Variants in FHIT observed in about 807,000 individuals in gnomAD.
FHIT encodes the protein fragile histidine triad diadenosine triphosphatase.
In FHIT, 19 loss-of-function variants were observed where a neutral mutation model predicts 17.9. That is an observed-to-expected ratio of 1.06 (90% CI 0.74 to 1.56). The LOEUF (loss-of-function observed/expected upper bound fraction) is 1.56. FHIT is among the 40% of genes most tolerant of loss of function. The pLI is 0.00. For synonymous variants in FHIT, 81 were observed against 69.7 expected (o/e 1.16, Z -0.81); for missense variants, 248 against 189.2 (o/e 1.31, Z -1.82).
intron 5 of FHIT, among the ~76,000 whole-genome samples, chr3:60,124,279 T>A (rs1000139182): frequency 6.6e-6 from 1 of 151,788 alleles, no homozygotes; most frequent in African/African-American, 2.4e-5. Context: ...GTTTGAAGAC[T>A]AGCCGTCTTC....
intron 2 of FHIT, among the ~76,000 whole-genome samples, chr3:61,198,276 A>T (rs1321051646): frequency 6.6e-6 from 1 of 152,150 alleles, no homozygotes; most frequent in Non-Finnish European, 1.5e-5. Context: ...ACAGACATGG[A>T]GGCAACAGTG....
intron 8 of FHIT, among the ~76,000 whole-genome samples, chr3:59,859,460 G>A (rs1385015579): frequency 2.0e-5 from 3 of 152,230 alleles, no homozygotes; most frequent in Non-Finnish European, 4.4e-5. Flanking sequence ...GCTCACGCCT[G>A]TAATCCCAGC....
chr3:59,943,071 T>G (rs1283887227), intron 7 of FHIT, among the ~76,000 whole-genome samples: 1 of 151,984 alleles, frequency 6.6e-6, no homozygotes, highest in Non-Finnish European at 1.5e-5. Flanking sequence ...GTTATATTAC[T>G]AAGAAGAAAA....
intron 4 of FHIT, among the ~76,000 whole-genome samples, chr3:60,657,476 T>C (rs1553689925): frequency 6.6e-6 from 1 of 152,152 alleles, no homozygotes; most frequent in African/African-American, 2.4e-5. Flanking sequence ...TTTGCAAACT[T>C]AGGTGTCTGG....
chr3:61,096,890 C>T (rs1485761398), intron 2 of FHIT, among the ~76,000 whole-genome samples: 2 of 152,106 alleles, frequency 1.3e-5, no homozygotes, highest in African/African-American at 4.8e-5. Context: ...GCAGGTGCAA[C>T]ACCTGAGGTC....
intron 3 of FHIT, among the ~76,000 whole-genome samples, chr3:60,842,639 A>ATTT (rs1702771249): frequency 2.6e-3 from 111 of 43,274 alleles, no homozygotes; most frequent in African/African-American, 6.3e-3. Context: ...GTATATATAT[A>ATTT]TATATATTTT....
chr3:60,670,856 T>C (rs1553693637), intron 4 of FHIT, among the ~76,000 whole-genome samples: 1 of 152,100 alleles, frequency 6.6e-6, no homozygotes, highest in African/African-American at 2.4e-5. Context: ...CTTAACGGGG[T>C]TCTGAAAATA....
At chr3:60,022,189 T>G (rs933172699) in intron 5 of FHIT, among the ~76,000 whole-genome samples, 2 of 149,136 alleles carry the variant, frequency 1.3e-5, no homozygotes, top group Admixed American at 1.3e-4. Flanking sequence ...TTTTTCTGTT[T>G]TTTCAAACAA....
intron 8 of FHIT, among the ~76,000 whole-genome samples, chr3:59,908,853 T>TCTCGCTCTGTCTCCC (rs1271629999): frequency 6.6e-6 from 1 of 150,710 alleles, no homozygotes; most frequent in Non-Finnish European, 1.5e-5. Context: ...CATTTTTTAA[T>TCTCGCTCTGTCTCCC]AGTCCAACTG....
intron 8 of FHIT, among the ~76,000 whole-genome samples, chr3:59,822,194 G>T (rs1239925019): frequency 6.6e-6 from 1 of 152,126 alleles, no homozygotes; most frequent in African/African-American, 2.4e-5. Context: ...TTATCCACTT[G>T]TTGACTGATG....
intron 5 of FHIT, among the ~76,000 whole-genome samples, chr3:60,045,907 C>T (rs1035138491): frequency 1.3e-5 from 2 of 152,142 alleles, no homozygotes; most frequent in African/African-American, 4.8e-5. Context: ...CAGGAGTCTG[C>T]CCTGTCCATC....
intron 4 of FHIT, among the ~76,000 whole-genome samples, chr3:60,784,520 GA>G (rs1466826315): frequency 2.0e-5 from 3 of 152,068 alleles, no homozygotes; most frequent in Admixed American, 1.3e-4. Context: ...CCTTTTAGTA[GA>G]GATGGGGTTT....
chr3:59,982,925 A>C (rs1197195888), intron 7 of FHIT, among the ~76,000 whole-genome samples: 2 of 151,968 alleles, frequency 1.3e-5, no homozygotes, highest in Non-Finnish European at 2.9e-5. Context: ...ATGAAGTCCT[A>C]TGCATCGTGC....
chr3:60,154,975 G>A (rs1187220940), intron 5 of FHIT, among the ~76,000 whole-genome samples: 1 of 152,028 alleles, frequency 6.6e-6, no homozygotes, highest in Non-Finnish European at 1.5e-5. Flanking sequence ...CAAGGTGAGA[G>A]GATCACTTGA....
chr3:60,696,159 G>T (rs2041109422), intron 4 of FHIT, among the ~76,000 whole-genome samples: 1 of 152,050 alleles, frequency 6.6e-6, no homozygotes, highest in South Asian at 2.1e-4. Context: ...GGAAACCATG[G>T]CTCTATATGT....
chr3:60,595,022 C>T (rs187606063), intron 4 of FHIT, among the ~76,000 whole-genome samples: 204 of 152,200 alleles, frequency 1.3e-3, no homozygotes, highest in Non-Finnish European at 2.5e-3. Flanking sequence ...TCACATGCCA[C>T]TGGGACAGCA....
At chr3:61,067,786 T>C (rs891223582) in intron 2 of FHIT, among the ~76,000 whole-genome samples, 2 of 152,208 alleles carry the variant, frequency 1.3e-5, no homozygotes, top group African/African-American at 4.8e-5. Flanking sequence ...CAGTCTTTTA[T>C]TTGGTATCTG....
intron 4 of FHIT, among the ~76,000 whole-genome samples, chr3:60,649,361 C>T (rs1343029720): frequency 1.1e-4 from 17 of 152,144 alleles, no homozygotes; most frequent in Non-Finnish European, 1.5e-5. Context: ...GAGATGGCAC[C>T]ACTGCACTCC....
At chr3:60,685,796 T>A (rs1460992860) in intron 4 of FHIT, among the ~76,000 whole-genome samples, 1 of 152,202 alleles carries the variant, frequency 6.6e-6, no homozygotes, top group African/African-American at 2.4e-5. Context: ...TGAAATTACA[T>A]CTACCTGTAT....
Sources: allele counts gnomAD v4.1 joint callset (sites outside exome capture counted in the v4.1 genomes callset), GRCh38; gene constraint gnomAD v4.1.1; transcripts MANE v1.5; gene names NCBI Gene and HGNC (gene_info 2026-07-23, HGNC 2026-07-21).